PIEZO2: variants seen among roughly 807,000 people sequenced by gnomAD.
PIEZO2 encodes the protein piezo-type mechanosensitive ion channel component 2.
PIEZO2 carries 172 observed loss-of-function variants against 337.3 expected under a neutral mutation model. That is an observed-to-expected ratio of 0.51 (90% confidence interval 0.45 to 0.58). PIEZO2 has a LOEUF of 0.58. Among genes scored for constraint, PIEZO2 ranks in the 20% least tolerant of loss-of-function variants. The pLI, the probability that PIEZO2 is intolerant of heterozygous loss-of-function variation, is 0.00. For missense variants in PIEZO2, 3,028 were observed against 3,391.3 expected (o/e 0.89, Z 2.66); for synonymous variants, 1,251 against 1,228.5 (o/e 1.02, Z -0.38).
chr18:10,685,872 C>T (rs554172655), intron 49 of PIEZO2, among the ~76,000 whole-genome samples: 6 of 152,318 alleles, frequency 3.9e-5, no homozygotes, highest in South Asian at 4.1e-4. Context: ...AGGCTGCGGG[C>T]ACGAGATTGC....
rs2036909011 is a variant in PIEZO2 at position 11,035,835 on chromosome 18, A to G, written c.160+30292T>C. On this transcript the variant is annotated intron_variant, in intron 2 of 55. Coordinates refer to ENST00000674853, the MANE Select transcript of PIEZO2 (RefSeq NM_001378183.1). This position sits in a 1 kb window ranked among gnomAD's most constrained non-coding sequence, Gnocchi z 4.3. ...TATGAAACTCTGACTCTTAAAGCCC[A>G]TGGGTGTCTCCCCTAATGAACAGCA... Among the ~76,000 whole-genome samples, 1 of 152,250 alleles carries G rather than the reference A, an allele frequency of 6.6e-6. No individual in the cohort carries two copies. Among genetic ancestry groups the G allele is most frequent in the African/African-American group, 2.4e-5 (1 of 41,462 alleles).
intron 47 of PIEZO2, among the ~76,000 whole-genome samples, chr18:10,693,832 T>C (rs1226040131): frequency 6.6e-6 from 1 of 152,136 alleles, no homozygotes; most frequent in Non-Finnish European, 1.5e-5. Flanking sequence ...TTAAGGTGTC[T>C]TTCTTCTCTG....
chr18:10,729,504 G>A (rs2036677163), intron 36 of PIEZO2, among the ~76,000 whole-genome samples: 1 of 151,642 alleles, frequency 6.6e-6, no homozygotes, highest in Non-Finnish European at 1.5e-5. Flanking sequence ...TGCGCCTATA[G>A]TCTCAGCTGC....
chr18:10,749,361 G>C (rs374440134), intron 29 of PIEZO2, among the ~76,000 whole-genome samples: 2 of 152,268 alleles, frequency 1.3e-5, no homozygotes, highest in East Asian at 1.9e-4. Context: ...TACTCAGGAG[G>C]CAGAAGTGGG....
intron 45 of PIEZO2, 147 bp from the exon 46 acceptor site, chr18:10,696,686 C>A (rs913324476): frequency 1.1e-6 from 1 of 894,784 alleles, no homozygotes; most frequent in Non-Finnish European, 1.7e-6. Context: ...AGGATAGTCC[C>A]GCTGTGGACA....
At chr18:10,880,798 A>G (rs1466564593) in intron 4 of PIEZO2, among the ~76,000 whole-genome samples, 1 of 139,210 alleles carries the variant, frequency 7.2e-6, no homozygotes, top group Non-Finnish European at 1.6e-5. Context: ...CAAAAACTCA[A>G]TAAAATGGTA....
At chr18:10,779,413 T>G (rs1312803854) in intron 18 of PIEZO2, among the ~76,000 whole-genome samples, 1 of 152,252 alleles carries the variant, frequency 6.6e-6, no homozygotes, top group Non-Finnish European at 1.5e-5. Context: ...ATAGTTTTAG[T>G]AAGTTAGATC....
At chr18:10,718,009 T>A (rs773865613) in intron 37 of PIEZO2, among the ~76,000 whole-genome samples, 191 bp downstream of exon 37, 1 of 152,224 alleles carries the variant, frequency 6.6e-6, no homozygotes, top group African/African-American at 2.4e-5. Flanking sequence ...CTGCATAAAG[T>A]CCAGACCTAC....
At chr18:10,725,195 T>A in intron 36 of PIEZO2, 2 of 1,551,134 alleles carry the variant, frequency 1.3e-6, no homozygotes, top group Admixed American at 3.3e-5. Context: ...GCAGTTGGCA[T>A]CATTGAGGCT....
rs1306076590 is a variant in PIEZO2 at position 11,009,368 on chromosome 18, G to T, written c.161-29708C>A. ...AGTTCTGACCTCATTTTTCTGGGGT[G>T]GGGGCGAGATCATGGGTACACTGTA... is the stretch of plus-strand genomic sequence containing the variant. On this transcript the variant is annotated intron_variant, in intron 2 of 55. Transcript: ENST00000674853. This position sits in a 1 kb window ranked among gnomAD's most constrained non-coding sequence, Gnocchi z 4.6. 1.3e-5 allele frequency among the ~76,000 whole-genome samples: 2 copies of T among 152,140 alleles called. No homozygotes were observed. The highest frequency in any genetic ancestry group is 2.4e-5 in the African/African-American group (1 of 41,432).
intron 35 of PIEZO2, among the ~76,000 whole-genome samples, chr18:10,732,421 G>A (rs1023367160): frequency 4.3e-4 from 66 of 152,240 alleles, no homozygotes; most frequent in African/African-American, 1.5e-3. Context: ...TTATTCTATA[G>A]TATTTTCAGA....
chr18:10,962,508 A>G lies in PIEZO2; in HGVS notation c.286+17027T>C, dbSNP rs568142161. Among the ~76,000 whole-genome samples, 13 of 152,082 alleles carry G rather than the reference A, an allele frequency of 8.5e-5. No individual in the cohort carries two copies. The highest frequency in any genetic ancestry group is 1.3e-4 in the Non-Finnish European group (9 of 68,000). Reference sequence around the variant, plus strand: ...TAGAGTTCATGGCCAAGCTTCCTCCAGTCTCTGTAGGTGTGATGTTTCCCC... The same window carrying G: ...TAGAGTTCATGGCCAAGCTTCCTCCGGTCTCTGTAGGTGTGATGTTTCCCC... On this transcript the variant is annotated intron_variant, in intron 3 of 55. Coordinates refer to ENST00000674853, the MANE Select transcript of PIEZO2 (RefSeq NM_001378183.1). This position sits in a 1 kb window ranked among gnomAD's most constrained non-coding sequence, Gnocchi z 4.1.
At chr18:10,882,724 T>C (rs558612076) in intron 4 of PIEZO2, among the ~76,000 whole-genome samples, 1 of 152,274 alleles carries the variant, frequency 6.6e-6, no homozygotes, top group South Asian at 2.1e-4. Flanking sequence ...GTTGTCTTTC[T>C]GTGCATGGCT....
rs142869433 is a variant in PIEZO2, at chr18:10,894,297, C to CAA, written c.329+16887_329+16888dup. On this transcript the variant is annotated intron_variant, in intron 4 of 55. Transcript: ENST00000674853. The surrounding 1 kb of genome is among the most constrained non-coding windows in gnomAD (Gnocchi z 4.1). ...AGAAATCCCCTCTGTACTAAAAATA[C>CAA]AAAAAAAACAGCCAGGCGTGGTGGT... is the stretch of plus-strand genomic sequence containing the variant. Among the ~76,000 whole-genome samples the CAA allele has an allele frequency of 1.3e-5, 2 of 151,394 alleles. No individual in the cohort carries two copies. The highest frequency in any genetic ancestry group is 6.6e-5 in the Admixed American group (1 of 15,184).
At chr18:10,782,527 TAA>T (rs2039065179) in intron 17 of PIEZO2, among the ~76,000 whole-genome samples, 1 of 134,104 alleles carries the variant, frequency 7.5e-6, no homozygotes, top group South Asian at 2.2e-4. Flanking sequence ...TTATATTATA[TAA>T]TATATATTAT....
chr18:10,785,826 G>A (rs1294613336), intron 16 of PIEZO2, among the ~76,000 whole-genome samples: 4 of 152,078 alleles, frequency 2.6e-5, no homozygotes, highest in South Asian at 4.2e-4. Context: ...CCCACACATC[G>A]CTTTTTCTCA....
In PIEZO2 at chr18:10,979,886, G is replaced by A. The variant is rs2034599435; in HGVS notation, c.161-226C>T. 6.6e-6 allele frequency among the ~76,000 whole-genome samples: 1 copy of A among 152,084 alleles called. No individual in the cohort carries two copies. The highest frequency in any genetic ancestry group is 6.5e-5 in the Admixed American group (1 of 15,272). ...TTATTAAAAATTCACTGTAAAAGAA[G>A]GATAATTTCCTATTTATCATATGAC... On this transcript the variant is annotated intron_variant, in intron 2 of 55. Transcript: ENST00000674853. The surrounding 1 kb of genome is among the most constrained non-coding windows in gnomAD (Gnocchi z 4.0).
intron 1 of PIEZO2, among the ~76,000 whole-genome samples, chr18:11,136,023 A>G (rs1047709761): frequency 1.5e-4 from 23 of 152,352 alleles, no homozygotes; most frequent in South Asian, 6.2e-4. Context: ...TCCTTACTCT[A>G]AAGATAATTT....
Position 10,682,250 on chromosome 18 carries a change from T to G in PIEZO2, c.7540A>C (p.Lys2514Gln). The stretch of plus-strand genomic sequence containing the variant: ...ATGATCATTCCTCCCATGCCATACT[T>G]CACCACTTTCTTCTTCTTCTGGCCC... ...PRGQKKKKVVKYGMGGMIIVL... is the reference protein window; with the variant it reads ...PRGQKKKKVVQYGMGGMIIVL... The change falls in exon 50 of 56, where the codon AAG (lysine) becomes CAG (glutamine). Residue 2514 changes from lysine to glutamine, a missense_variant. This residue lies in a region of PIEZO2 where 179 missense variants were observed against 281.8 expected (regional missense o/e 0.64). Coordinates refer to ENST00000674853, the MANE Select transcript of PIEZO2 (RefSeq NM_001378183.1). The surrounding 1 kb of genome is among the most constrained non-coding windows in gnomAD (Gnocchi z 5.6). 2 of 1,537,192 alleles carry G rather than the reference T, an allele frequency of 1.3e-6. No individual in the cohort carries two copies. The highest frequency in any genetic ancestry group is 1.7e-4 in the Middle Eastern group (1 of 5,990).
Sources: gnomAD v4.1 joint callset for allele counts (sites outside exome capture counted in the v4.1 genomes callset) on GRCh38, gnomAD v4.1.1 for gene constraint, gnomAD v4.1.1 regional missense constraint, Gnocchi (gnomAD v3.1) non-coding constraint, MANE v1.5 for transcripts, NCBI Gene and HGNC (gene_info 2026-07-23, HGNC 2026-07-21) for gene names.